ZDHHC14: variants seen among roughly 807,000 people sequenced by gnomAD.
ZDHHC14 encodes the protein zDHHC palmitoyltransferase 14, also known as palmitoyltransferase ZDHHC14.
A neutral mutation model predicts 47.7 loss-of-function variants in ZDHHC14; 16 were observed. The observed-to-expected ratio is 0.34, with a 90% CI of 0.23 to 0.51. The LOEUF (loss-of-function observed/expected upper bound fraction) is 0.51, where lower values mean the gene tolerates loss of function less well. ZDHHC14 is among the 20% of genes least tolerant of loss of function. The pLI is 0.97. For synonymous variants in ZDHHC14, 293 were observed against 278.9 expected (o/e 1.05, Z -0.50); for missense variants, 515 against 662.5 (o/e 0.78, Z 2.44).
intron 1 of ZDHHC14, among the ~76,000 whole-genome samples, chr6:157,522,813 C>T (rs1207827992): frequency 3.5e-5 from 1 of 28,846 alleles, no homozygotes; most frequent in African/African-American, 2.5e-4. Context: ...CCCTCCCTCC[C>T]TCCCTCCCTC....
At position 157,597,213 on chromosome 6, in the gene ZDHHC14, T is replaced by G. The variant is rs142731941; in HGVS notation, c.565+4067T>G. ...GAGCCACCTCTTCTCTCTCGGATCC[T>G]CATATCCCTCAAATCATTAAAGCGA... On this transcript the variant is annotated intron_variant, in intron 3 of 8. Coordinates refer to ENST00000359775, the MANE Select transcript of ZDHHC14 (RefSeq NM_024630.3). 1.0e-3 allele frequency among the ~76,000 whole-genome samples: 158 copies of G among 152,336 alleles called. 1 individual carries two copies. The highest frequency in any genetic ancestry group is 3.7e-3 in the African/African-American group (153 of 41,572).
intron 1 of ZDHHC14, among the ~76,000 whole-genome samples, chr6:157,541,160 A>G (rs994103580): frequency 6.6e-6 from 1 of 152,012 alleles, no homozygotes; most frequent in Non-Finnish European, 1.5e-5. Flanking sequence ...TGCATTCATC[A>G]TGGCACTTTA....
chr6:157,429,170 G>A (rs563423384), intron 1 of ZDHHC14, among the ~76,000 whole-genome samples: 1 of 152,102 alleles, frequency 6.6e-6, no homozygotes, highest in East Asian at 1.9e-4. Flanking sequence ...TGATCATCTC[G>A]GCATGGGCGT....
intron 1 of ZDHHC14, among the ~76,000 whole-genome samples, chr6:157,494,040 C>T (rs1779996425): frequency 6.6e-6 from 1 of 152,218 alleles, no homozygotes; most frequent in African/African-American, 2.4e-5. Context: ...AAGAGTGGTC[C>T]TCCCCGCAGG....
intron 3 of ZDHHC14, among the ~76,000 whole-genome samples, chr6:157,616,567 C>T (rs1784971176): frequency 6.6e-6 from 1 of 152,116 alleles, no homozygotes; most frequent in South Asian, 2.1e-4. Context: ...GGAAAGGCTG[C>T]CAGGCCACTC....
intron 2 of ZDHHC14, among the ~76,000 whole-genome samples, chr6:157,558,953 A>C (rs1782591516): frequency 6.6e-6 from 1 of 152,096 alleles, no homozygotes; most frequent in Admixed American, 6.5e-5. Context: ...CAGCTCTCTA[A>C]TACAAATGAA....
At chr6:157,589,076 T>A (rs1045646512) in intron 2 of ZDHHC14, among the ~76,000 whole-genome samples, 1 of 152,018 alleles carries the variant, frequency 6.6e-6, no homozygotes, top group Admixed American at 6.5e-5. Flanking sequence ...CCACAGGCTG[T>A]ATAGGAAGCA....
intron 2 of ZDHHC14, among the ~76,000 whole-genome samples, chr6:157,584,990 A>C (rs531827396): frequency 0.01 from 1,526 of 152,238 alleles, 32 homozygotes; most frequent in African/African-American, 0.035. Flanking sequence ...GGATCACCTA[A>C]GGTCAGGAGT....
chr6:157,512,027 A>G (rs2073306), intron 1 of ZDHHC14, among the ~76,000 whole-genome samples: 96,359 of 152,046 alleles, frequency 0.63, 30,692 homozygotes, highest in Admixed American at 0.68. Context: ...TGGAACGGTG[A>G]AGAAGGTCAT....
chr6:157,402,533 C>T (rs1170034092), intron 1 of ZDHHC14, among the ~76,000 whole-genome samples: 1 of 152,232 alleles, frequency 6.6e-6, no homozygotes, highest in Non-Finnish European at 1.5e-5. Context: ...TTCATCCTCC[C>T]TTCTTAATGG....
intron 3 of ZDHHC14, among the ~76,000 whole-genome samples, chr6:157,601,079 C>T (rs747886618): frequency 2.0e-5 from 3 of 152,210 alleles, no homozygotes; most frequent in East Asian, 1.9e-4. Flanking sequence ...CTGGCCGCAG[C>T]GCACGGGGCT....
At chr6:157,636,744 G>A (rs1414117207) in intron 5 of ZDHHC14, among the ~76,000 whole-genome samples, 1 of 152,234 alleles carries the variant, frequency 6.6e-6, no homozygotes, top group African/African-American at 2.4e-5. Context: ...GAGCAGTGTG[G>A]GCAGCACCCT....
chr6:157,610,324 C>T (rs576565603), intron 3 of ZDHHC14, among the ~76,000 whole-genome samples: 7 of 152,162 alleles, frequency 4.6e-5, no homozygotes, highest in Admixed American at 2.0e-4. Flanking sequence ...CCCAGCTACT[C>T]GGGAGGCTGA....
At chr6:157,457,113 G>T (rs563618784) in intron 1 of ZDHHC14, among the ~76,000 whole-genome samples, 3 of 150,816 alleles carry the variant, frequency 2.0e-5, no homozygotes, top group African/African-American at 7.3e-5. Context: ...GGTGGAGATT[G>T]CAGTGAGCCG....
intron 1 of ZDHHC14, among the ~76,000 whole-genome samples, chr6:157,432,389 G>A (rs1258347247): frequency 6.6e-6 from 1 of 152,140 alleles, no homozygotes; most frequent in African/African-American, 2.4e-5. Context: ...CGGAGGCTGT[G>A]GGGGAGAGTG....
intron 2 of ZDHHC14, among the ~76,000 whole-genome samples, chr6:157,568,637 A>G (rs1782993169): frequency 6.6e-6 from 1 of 152,178 alleles, no homozygotes; most frequent in Non-Finnish European, 1.5e-5. Flanking sequence ...CCTTAAGTCA[A>G]ATGCCTAAAA....
chr6:157,530,690 C>T (rs1399777534), intron 1 of ZDHHC14, among the ~76,000 whole-genome samples: 1 of 152,112 alleles, frequency 6.6e-6, no homozygotes, highest in Non-Finnish European at 1.5e-5. Flanking sequence ...CTCAAAAGCA[C>T]CTTATTTCCA....
intron 8 of ZDHHC14, among the ~76,000 whole-genome samples, chr6:157,663,627 C>G (rs1778432001): frequency 6.6e-6 from 1 of 152,218 alleles, no homozygotes; most frequent in South Asian, 2.1e-4. Context: ...CTTTCTGTTG[C>G]TTTGGTTCTT....
In ZDHHC14 at chr6:157,502,658, AGTTTTTGTTGTGTTT is replaced by A. The variant is rs1302417690; in HGVS notation, c.246-39917_246-39903del. ...GCTAGTAATGCTACTCATGGCTCAT[AGTTTTTGTTGTGTTT>A]GTTTTTGTTTTGTTTTGTTTTGTTT... On this transcript the variant is annotated intron_variant, in intron 1 of 8. Coordinates refer to ENST00000359775, the MANE Select transcript of ZDHHC14 (RefSeq NM_024630.3). The surrounding 1 kb of genome is among the most constrained non-coding windows in gnomAD (Gnocchi z 4.0). Among the ~76,000 whole-genome samples the A allele has an allele frequency of 2.6e-5, 4 of 151,862 alleles. No individual in the cohort carries two copies. Among genetic ancestry groups the A allele is most frequent in the Non-Finnish European group, 5.9e-5 (4 of 67,962 alleles).
Sources: gnomAD v4.1 joint callset for allele counts (sites outside exome capture counted in the v4.1 genomes callset) on GRCh38, gnomAD v4.1.1 for gene constraint, Gnocchi (gnomAD v3.1) non-coding constraint, MANE v1.5 for transcripts, NCBI Gene and HGNC (gene_info 2026-07-23, HGNC 2026-07-21) for gene names.